STK32A: variants seen among roughly 807,000 people sequenced by gnomAD.
The protein encoded by STK32A is serine/threonine-protein kinase 32A.
Under a neutral mutation model 53.2 loss-of-function variants are expected in STK32A, and 41 were observed. The observed-to-expected ratio is 0.77, with a 90% CI of 0.60 to 1.00. STK32A has a LOEUF of 1.00. Among genes scored for constraint, STK32A ranks in the 50% least tolerant of loss-of-function variants. STK32A has a pLI of 0.00. For synonymous variants in STK32A, 166 were observed against 162.8 expected (o/e 1.02, Z -0.15); for missense variants, 458 against 485.8 (o/e 0.94, Z 0.54).
intron 5 of STK32A, among the ~76,000 whole-genome samples, chr5:147,329,482 T>A (rs907210684): frequency 2.0e-5 from 3 of 152,234 alleles, no homozygotes; most frequent in Non-Finnish European, 4.4e-5. Flanking sequence ...ACAATCCCCC[T>A]GTCATAAGAA....
intron 2 of STK32A, among the ~76,000 whole-genome samples, chr5:147,271,960 G>A (rs551155883): frequency 5.7e-4 from 86 of 152,072 alleles, no homozygotes; most frequent in Middle Eastern, 3.4e-3. Context: ...CACCCTATTC[G>A]TACACTCCCT....
intron 4 of STK32A, among the ~76,000 whole-genome samples, chr5:147,311,459 G>A (rs1306758468): frequency 1.3e-5 from 2 of 152,118 alleles, no homozygotes; most frequent in Non-Finnish European, 2.9e-5. Flanking sequence ...AATGAGCAGG[G>A]CACAAAATTC....
Position 147,373,166 on chromosome 5 carries a change from C to G in STK32A, c.778-3C>G, listed in dbSNP as rs1182363014. 2.5e-6 allele frequency: 4 copies of G among 1,612,956 alleles called. No individual in the cohort carries two copies. The highest frequency in any genetic ancestry group is 3.4e-6 in the Non-Finnish European group (4 of 1,179,424). ...GGCCTTGATGTTTGCATTTTATTGG[C>G]AGCTACTCGAACCTAATCCAGACCA... On this transcript the variant is annotated splice_polypyrimidine_tract_variant and splice_region_variant and intron_variant, in intron 9 of 12. Coordinates refer to ENST00000397936, the MANE Select transcript of STK32A (RefSeq NM_001112724.2).
chr5:147,254,098 A>G (rs978333673), intron 2 of STK32A, among the ~76,000 whole-genome samples: 46 of 152,144 alleles, frequency 3.0e-4, no homozygotes, highest in Admixed American at 2.9e-3. Context: ...CCTTCTAAGG[A>G]CACCAGCCAT....
At chr5:147,317,223 T>C (rs934643768) in intron 4 of STK32A, among the ~76,000 whole-genome samples, 6 of 151,358 alleles carry the variant, frequency 4.0e-5, no homozygotes, top group African/African-American at 1.5e-4. Context: ...CTACAAAGAA[T>C]TGTGGAATGT....
At chr5:147,356,991 A>G (rs1455778339) in intron 7 of STK32A, among the ~76,000 whole-genome samples, 1 of 152,146 alleles carries the variant, frequency 6.6e-6, no homozygotes, top group Non-Finnish European at 1.5e-5. Flanking sequence ...AAATCACTCA[A>G]AGAAAATTTT....
intron 4 of STK32A, among the ~76,000 whole-genome samples, chr5:147,284,338 A>C (rs1368998366): frequency 2.0e-5 from 3 of 152,132 alleles, no homozygotes; most frequent in Non-Finnish European, 2.9e-5. Flanking sequence ...ATTCCCTCTG[A>C]GAACCAGAAT....
At chr5:147,342,913 C>T (rs1755499899) in intron 5 of STK32A, 93 bp from the exon 6 acceptor site, 5 of 1,102,984 alleles carry the variant, frequency 4.5e-6, no homozygotes, top group African/African-American at 1.6e-5. Flanking sequence ...ACTGTTTCAA[C>T]TCCAGTTAGC....
chr5:147,259,238 A>T (rs1414945382), intron 2 of STK32A, among the ~76,000 whole-genome samples: 1 of 152,122 alleles, frequency 6.6e-6, no homozygotes, highest in Non-Finnish European at 1.5e-5. Context: ...TTCACTTTTT[A>T]TATATTTTTT....
intron 4 of STK32A, among the ~76,000 whole-genome samples, chr5:147,318,715 A>G (rs572797579): frequency 1.3e-5 from 2 of 151,810 alleles, no homozygotes; most frequent in Admixed American, 1.3e-4. Context: ...TGTCAAGGCT[A>G]CAGTGAGCTA....
intron 7 of STK32A, among the ~76,000 whole-genome samples, chr5:147,353,489 C>T (rs377002050): frequency 1.9e-4 from 29 of 152,174 alleles, no homozygotes; most frequent in African/African-American, 6.0e-4. Context: ...TGGCGGGGTG[C>T]GGTGGCTCAC....
At chr5:147,346,299 G>A (rs1312482417) in intron 6 of STK32A, among the ~76,000 whole-genome samples, 1 of 152,032 alleles carries the variant, frequency 6.6e-6, no homozygotes, top group Non-Finnish European at 1.5e-5. Flanking sequence ...ATGGGCTGTC[G>A]CTTGGGCCTC....
chr5:147,276,445 T>C (rs1385639406), intron 2 of STK32A, among the ~76,000 whole-genome samples: 1 of 152,238 alleles, frequency 6.6e-6, no homozygotes, highest in Non-Finnish European at 1.5e-5. Context: ...AACTCATTAA[T>C]GGGTTTTGAC....
intron 4 of STK32A, among the ~76,000 whole-genome samples, chr5:147,321,607 T>C (rs765841861): frequency 6.6e-6 from 1 of 152,206 alleles, no homozygotes; most frequent in Non-Finnish European, 1.5e-5. Context: ...CTTTATCACT[T>C]TGTTCTTTGA....
chr5:147,309,375 C>T (rs780633357), intron 4 of STK32A, among the ~76,000 whole-genome samples: 13 of 152,122 alleles, frequency 8.5e-5, no homozygotes, highest in Admixed American at 8.5e-4. Flanking sequence ...CCGAGAAGAT[C>T]TGTGAAATTA....
intron 4 of STK32A, among the ~76,000 whole-genome samples, chr5:147,314,645 G>A (rs1753897779): frequency 1.3e-5 from 2 of 151,408 alleles, no homozygotes. Flanking sequence ...AATGGTCAGT[G>A]AGCACTTCAA....
intron 11 of STK32A, among the ~76,000 whole-genome samples, chr5:147,378,831 G>A (rs1184028084): frequency 9.9e-6 from 1 of 100,848 alleles, no homozygotes; most frequent in Admixed American, 1.4e-4. Context: ...GTGTAATAAT[G>A]CCTCCAGTCT....
intron 2 of STK32A, among the ~76,000 whole-genome samples, chr5:147,246,773 G>A (rs1033769687): frequency 2.6e-5 from 4 of 152,164 alleles, no homozygotes; most frequent in Non-Finnish European, 5.9e-5. Flanking sequence ...ATGCTCCTCT[G>A]TAAGTTTTTC....
chr5:147,281,662 T>G (rs1752071693), intron 4 of STK32A, among the ~76,000 whole-genome samples: 1 of 151,882 alleles, frequency 6.6e-6, no homozygotes. Context: ...GAAGAGAATT[T>G]TAAAAGCTTG....
Sources: allele counts gnomAD v4.1 joint callset (sites outside exome capture counted in the v4.1 genomes callset), GRCh38; gene constraint gnomAD v4.1.1; transcripts MANE v1.5; gene names NCBI Gene and HGNC (gene_info 2026-07-23, HGNC 2026-07-21).